CAMK1D: variants seen among roughly 807,000 people sequenced by gnomAD.
CAMK1D encodes calcium/calmodulin dependent protein kinase ID.
Under a neutral mutation model 47.7 loss-of-function variants are expected in CAMK1D, and 9 were observed. The ratio of observed to expected loss-of-function variants is 0.19; its 90% CI spans 0.11 to 0.33. The LOEUF (loss-of-function observed/expected upper bound fraction) is 0.33. CAMK1D is among the 10% of genes least tolerant of loss of function. CAMK1D has a pLI of 1.00. For synonymous variants in CAMK1D, 184 were observed against 184.9 expected, an observed-to-expected ratio of 0.99 and a Z score of 0.04; for missense variants, 291 against 488.7, an observed-to-expected ratio of 0.60 and a Z score of 3.81.
chr10:12,586,317 T>C (rs891012571), intron 2 of CAMK1D, among the ~76,000 whole-genome samples: 33 of 152,012 alleles, frequency 2.2e-4, no homozygotes, highest in Non-Finnish European at 3.1e-4. Context: ...ACATCTGGCC[T>C]CCTCAGCTGT....
intron 4 of CAMK1D, among the ~76,000 whole-genome samples, chr10:12,761,482 A>G (rs990526424): frequency 6.6e-6 from 1 of 152,192 alleles, no homozygotes; most frequent in East Asian, 1.9e-4. Context: ...AACACACTGT[A>G]TAAAAGAAAG....
At chr10:12,694,714 T>G (rs2130694368) in intron 3 of CAMK1D, among the ~76,000 whole-genome samples, 1 of 150,926 alleles carries the variant, frequency 6.6e-6, no homozygotes, top group South Asian at 2.1e-4. Flanking sequence ...ATGACACGTT[T>G]ATTTTAATCA....
In CAMK1D at chr10:12,527,350, C is replaced by CTTTT. The variant is rs750670427; in HGVS notation, c.93-25856_93-25853dup. 1.3e-3 allele frequency among the ~76,000 whole-genome samples: 113 copies of CTTTT among 84,020 alleles called. 4 individuals carry two copies. Among genetic ancestry groups the CTTTT allele is most frequent in the African/African-American group, 3.1e-3 (64 of 20,622 alleles). 55.1% of individuals were successfully genotyped at this position (84,020 alleles called of 152,430 possible). ...GGGTGCGGTTCCTTGACTTGACTTG[C>CTTTT]TTTTTTTTTTTTTTTTTTTTTTGAG... On this transcript the variant is annotated intron_variant, in intron 1 of 10. Coordinates refer to ENST00000619168, the MANE Select transcript of CAMK1D (RefSeq NM_153498.4).
chr10:12,671,384 A>G lies in CAMK1D; in HGVS notation c.299+4574A>G, dbSNP rs1266465116. On this transcript the variant is annotated intron_variant, in intron 3 of 10. Transcript: ENST00000619168. ...TAACATTTTGAGAACTCATCAAACT[A>G]TTTTCCAAAATGACTGTACCATTTT... 2.0e-5 allele frequency among the ~76,000 whole-genome samples: 3 copies of G among 150,256 alleles called. 1 individual carries two copies.
intron 1 of CAMK1D, among the ~76,000 whole-genome samples, chr10:12,420,020 C>T (rs536892310): frequency 2.0e-5 from 3 of 151,504 alleles, no homozygotes; most frequent in South Asian, 2.1e-4. Flanking sequence ...AGCACAGTGT[C>T]GAGCTCTCGG....
rs141391592 is a variant in CAMK1D, at chr10:12,757,043, C to T, written c.300-3905C>T. On this transcript the variant is annotated intron_variant, in intron 3 of 10. Coordinates refer to ENST00000619168, the MANE Select transcript of CAMK1D (RefSeq NM_153498.4). ...TTTTGACTATCTCTTCTGTCTTCTGCTTCCTTAATCTTTGCCAGCCTGTTT... is the reference window on the plus strand; with the variant it reads ...TTTTGACTATCTCTTCTGTCTTCTGTTTCCTTAATCTTTGCCAGCCTGTTT... 2.9e-3 allele frequency among the ~76,000 whole-genome samples: 445 copies of T among 152,346 alleles called. 4 individuals are homozygous for T. Among genetic ancestry groups the T allele is most frequent in the African/African-American group, 0.01 (416 of 41,588 alleles).
intron 1 of CAMK1D, among the ~76,000 whole-genome samples, chr10:12,498,495 G>T (rs1834607362): frequency 6.6e-6 from 1 of 152,194 alleles, no homozygotes; most frequent in South Asian, 2.1e-4. Flanking sequence ...GCTGAGATAT[G>T]GCTGAATCCC....
intron 1 of CAMK1D, among the ~76,000 whole-genome samples, chr10:12,524,482 C>T (rs919173587): frequency 5.9e-5 from 9 of 151,884 alleles, no homozygotes; most frequent in South Asian, 4.2e-4. Context: ...CTGAGGCGGG[C>T]GGATCACGAG....
intron 2 of CAMK1D, among the ~76,000 whole-genome samples, chr10:12,660,296 G>T (rs1450447282): frequency 6.6e-6 from 1 of 152,000 alleles, no homozygotes; most frequent in Non-Finnish European, 1.5e-5. Context: ...ATTTGCCATG[G>T]AGTTAAAAAT....
chr10:12,602,340 A>T (rs887067472), intron 2 of CAMK1D, among the ~76,000 whole-genome samples: 1 of 152,164 alleles, frequency 6.6e-6, no homozygotes, highest in East Asian at 1.9e-4. Context: ...TGCTGGGATG[A>T]CAAGTGTGAG....
At chr10:12,808,754 G>A (rs910099248) in intron 6 of CAMK1D, among the ~76,000 whole-genome samples, 1 of 152,222 alleles carries the variant, frequency 6.6e-6, no homozygotes, top group Non-Finnish European at 1.5e-5. Flanking sequence ...CTCCAACCTG[G>A]GCAACAAGAG....
chr10:12,487,165 C>T (rs1458239737), intron 1 of CAMK1D, among the ~76,000 whole-genome samples: 3 of 152,184 alleles, frequency 2.0e-5, no homozygotes, highest in Non-Finnish European at 4.4e-5. Flanking sequence ...TCCCCTTCCT[C>T]CTCCCATCCT....
chr10:12,803,936 C>A (rs149769042), intron 6 of CAMK1D, among the ~76,000 whole-genome samples: 2 of 152,280 alleles, frequency 1.3e-5, no homozygotes, highest in East Asian at 3.9e-4. Flanking sequence ...GAGCGGGAGG[C>A]GCCACCTGTC....
intron 1 of CAMK1D, among the ~76,000 whole-genome samples, chr10:12,406,699 G>C (rs551258099): frequency 7.9e-6 from 1 of 126,728 alleles, no homozygotes; most frequent in African/African-American, 3.0e-5. Context: ...CTCCAGCCTG[G>C]GTGACAAAAT....
chr10:12,480,704 C>T (rs1191010195), intron 1 of CAMK1D, among the ~76,000 whole-genome samples: 2 of 152,152 alleles, frequency 1.3e-5, no homozygotes, highest in African/African-American at 4.8e-5. Context: ...AGGTGATGAG[C>T]AGGCAGAACT....
chr10:12,615,469 T>G (rs1178975480), intron 2 of CAMK1D, among the ~76,000 whole-genome samples: 1 of 151,604 alleles, frequency 6.6e-6, no homozygotes, highest in Non-Finnish European at 1.5e-5. Flanking sequence ...GGTGTGAGTG[T>G]GTGCACGTGT....
chr10:12,439,373 A>G (rs982731556), intron 1 of CAMK1D, among the ~76,000 whole-genome samples: 1 of 152,106 alleles, frequency 6.6e-6, no homozygotes, highest in African/African-American at 2.4e-5. Context: ...TGTTTTTCAA[A>G]ATTACTCTGT....
chr10:12,380,908 G>T (rs1038804705), intron 1 of CAMK1D, among the ~76,000 whole-genome samples: 3 of 152,106 alleles, frequency 2.0e-5, no homozygotes, highest in African/African-American at 2.4e-5. Context: ...TTAATTGAAG[G>T]CTCACACATT....
At chr10:12,367,474 ATATTTATTCCTATTATT>A (rs1304831185) in intron 1 of CAMK1D, among the ~76,000 whole-genome samples, 3 of 151,770 alleles carry the variant, frequency 2.0e-5, no homozygotes, top group Non-Finnish European at 4.4e-5. Flanking sequence ...ACCTATTATT[ATATTTATTCCTATTATT>A]TATTTATTCC....
Sources: allele counts gnomAD v4.1 joint callset (sites outside exome capture counted in the v4.1 genomes callset), GRCh38; gene constraint gnomAD v4.1.1; transcripts MANE v1.5; gene names NCBI Gene and HGNC (gene_info 2026-07-23, HGNC 2026-07-21).